The following EBF2 variants were observed in gnomAD, a reference collection of about 807,000 sequenced individuals.
EBF2 encodes the protein transcription factor COE2.
EBF2 carries 21 observed loss-of-function variants against 72.8 expected under a neutral mutation model. The observed-to-expected ratio is 0.29, with a 90% CI of 0.20 to 0.42. The LOEUF (loss-of-function observed/expected upper bound fraction) is 0.42. EBF2 is among the 10% of genes least tolerant of loss of function. EBF2 has a pLI of 1.00. For synonymous variants in EBF2, 299 were observed against 274.2 expected (o/e 1.09, Z -0.89); for missense variants, 637 against 731.2 (o/e 0.87, Z 1.49).
chr8:26,008,195 C>A (rs1804913771), intron 6 of EBF2, among the ~76,000 whole-genome samples: 1 of 152,072 alleles, frequency 6.6e-6, no homozygotes, highest in African/African-American at 2.4e-5. Context: ...CAGCACACAA[C>A]CTCTCCTCGG....
chr8:25,955,563 T>G (rs1803931984), intron 6 of EBF2, among the ~76,000 whole-genome samples: 1 of 152,216 alleles, frequency 6.6e-6, no homozygotes, highest in African/African-American at 2.4e-5. Context: ...TTTCTAAAGA[T>G]AGTCTTAAAA....
At chr8:25,847,013 C>G (rs1328380266) in intron 15 of EBF2, among the ~76,000 whole-genome samples, 1 of 152,174 alleles carries the variant, frequency 6.6e-6, no homozygotes, top group Non-Finnish European at 1.5e-5. Context: ...CCTGAAGACA[C>G]AGTGGGCTGC....
intron 6 of EBF2, among the ~76,000 whole-genome samples, chr8:25,923,394 A>G (rs981739303): frequency 6.6e-6 from 1 of 152,240 alleles, no homozygotes; most frequent in Non-Finnish European, 1.5e-5. Flanking sequence ...TTGAATTAAG[A>G]CAGAACCTGA....
chr8:25,971,865 T>TG (rs1236766094), intron 6 of EBF2, among the ~76,000 whole-genome samples: 1 of 152,146 alleles, frequency 6.6e-6, no homozygotes, highest in Non-Finnish European at 1.5e-5. Context: ...GGGAGGCTGG[T>TG]GGGAGTCTGC....
At chr8:26,040,221 A>G in intron 4 of EBF2, 120 bp from the exon 5 acceptor site, 1 of 1,069,256 alleles carries the variant, frequency 9.4e-7, no homozygotes, top group African/African-American at 1.6e-5. Flanking sequence ...CCGCATTAGG[A>G]ATTCCCGCCC....
chr8:25,858,185 T>C, intron 14 of EBF2, 134 bp downstream of exon 14: 1 of 1,111,016 alleles, frequency 9.0e-7, no homozygotes, highest in Non-Finnish European at 1.3e-6. Flanking sequence ...GCAGGAAGGA[T>C]GCTTAATCAG....
intron 6 of EBF2, among the ~76,000 whole-genome samples, chr8:25,947,064 G>T (rs919459714): frequency 6.6e-6 from 1 of 151,898 alleles, no homozygotes; most frequent in Non-Finnish European, 1.5e-5. Flanking sequence ...TTTTTGTCCT[G>T]CCTCCAGGCT....
rs1563370798 is a variant in EBF2, at chr8:25,844,590, A to G, written c.*19T>C. On this transcript the variant is annotated 3_prime_UTR_variant, in exon 16 of 16. Coordinates refer to ENST00000520164, the MANE Select transcript of EBF2 (RefSeq NM_022659.4). ...CCATCAGAGTAAGTAGTTTTGTGCTATAAGAAAGCAGTTCTTCTTTACATC... is the reference window on the plus strand; with the variant it reads ...CCATCAGAGTAAGTAGTTTTGTGCTGTAAGAAAGCAGTTCTTCTTTACATC... 16 of 1,613,882 alleles carry G rather than the reference A, an allele frequency of 9.9e-6. No individual in the cohort carries two copies. In the East Asian group the frequency reaches 3.3e-4, roughly 34 times the overall value.
intron 7 of EBF2, among the ~76,000 whole-genome samples, chr8:25,904,196 A>G (rs1159766720): frequency 6.7e-6 from 1 of 149,464 alleles, no homozygotes. Flanking sequence ...AATGGGATAC[A>G]GACTATAGCT....
intron 6 of EBF2, among the ~76,000 whole-genome samples, chr8:26,022,074 A>G (rs944167526): frequency 1.3e-5 from 2 of 152,216 alleles, no homozygotes; most frequent in Admixed American, 1.3e-4. Flanking sequence ...TCAGACCTTC[A>G]GGAAATCCTC....
chr8:26,026,345 T>C (rs2117250084), intron 6 of EBF2, among the ~76,000 whole-genome samples: 1 of 152,260 alleles, frequency 6.6e-6, no homozygotes, highest in African/African-American at 2.4e-5. Context: ...ACCCCCAAAC[T>C]TGAGGCCTCA....
rs375497831 is a variant in EBF2, at chr8:26,043,769, G to A, written c.131+960C>T. Among the ~76,000 whole-genome samples the A allele has an allele frequency of 5.3e-5, 8 of 152,312 alleles. No individual in the cohort carries two copies. The South Asian group carries it at 1.7e-3, about 32-fold the overall frequency. On this transcript the variant is annotated intron_variant, in intron 1 of 15. Transcript: ENST00000520164. ...CAGGAGGGCAGCAGGGGAAGCGAGG[G>A]TAGTGGAAGAAGTTCATCGGCTCTT...
chr8:25,919,743 T>C (rs11787075), intron 6 of EBF2, among the ~76,000 whole-genome samples: 81,595 of 152,112 alleles, frequency 0.54, 24,385 homozygotes, highest in East Asian at 0.74. Flanking sequence ...ATGCCAGGGG[T>C]ACTGTTTCTG....
intron 6 of EBF2, among the ~76,000 whole-genome samples, chr8:25,916,563 G>T (rs1803220379): frequency 6.6e-6 from 1 of 151,838 alleles, no homozygotes; most frequent in African/African-American, 2.4e-5. Context: ...GGTCCTCTCT[G>T]CCCTGCTTAT....
chr8:25,942,237 G>A (rs148869084), intron 6 of EBF2, among the ~76,000 whole-genome samples: 2 of 152,324 alleles, frequency 1.3e-5, no homozygotes, highest in African/African-American at 2.4e-5. Flanking sequence ...CCAGCAACCT[G>A]TATTCTTTAA....
intron 6 of EBF2, among the ~76,000 whole-genome samples, chr8:25,976,106 A>G (rs1804264160): frequency 6.6e-6 from 1 of 152,244 alleles, no homozygotes; most frequent in East Asian, 1.9e-4. Flanking sequence ...AAATTCAATT[A>G]CTATGAAAAC....
intron 6 of EBF2, among the ~76,000 whole-genome samples, chr8:25,940,403 A>G (rs1216644116): frequency 6.6e-6 from 1 of 152,148 alleles, no homozygotes; most frequent in African/African-American, 2.4e-5. Flanking sequence ...TCAAGGCTGG[A>G]ACTCAGGGCA....
intron 10 of EBF2, among the ~76,000 whole-genome samples, chr8:25,865,675 C>T (rs114574609): frequency 0.013 from 1,932 of 151,694 alleles, 39 homozygotes; most frequent in African/African-American, 0.044. Flanking sequence ...AATCGTCCGC[C>T]TTGGCCTCCC....
intron 6 of EBF2, among the ~76,000 whole-genome samples, chr8:25,992,744 A>C (rs1398490274): frequency 6.6e-6 from 1 of 152,034 alleles, no homozygotes; most frequent in Non-Finnish European, 1.5e-5. Context: ...CGCTACAAAA[A>C]AATACAAAAA....
Sources: allele counts gnomAD v4.1 joint callset (sites outside exome capture counted in the v4.1 genomes callset), GRCh38; gene constraint gnomAD v4.1.1; transcripts MANE v1.5; gene names NCBI Gene and HGNC (gene_info 2026-07-23, HGNC 2026-07-21).